Variants in SLC2A7 observed in about 807,000 individuals in gnomAD.
SLC2A7 encodes solute carrier family 2 member 7.
SLC2A7 carries 50 observed loss-of-function variants against 50.5 expected under a neutral mutation model. The ratio of observed to expected loss-of-function variants is 0.99; its 90% confidence interval spans 0.79 to 1.25. The LOEUF (loss-of-function observed/expected upper bound fraction) is 1.25. Ranked by LOEUF, SLC2A7 falls within the 50% of genes most tolerant of loss-of-function variation. The pLI is 0.00. For synonymous variants in SLC2A7, 308 were observed against 300.4 expected (o/e 1.03, Z -0.26); for missense variants, 683 against 679.1 (o/e 1.01, Z -0.06).
At chr1:8,994,940 T>G in the SLC2A7 span, among the ~76,000 whole-genome samples, 1 of 151,540 alleles carries the variant, frequency 6.6e-6, no homozygotes, top group South Asian at 2.1e-4. Context: ...CCAGCTATTT[T>G]TTACATTTTT....
At chr1:8,994,479 C>T in the SLC2A7 span, among the ~76,000 whole-genome samples, 1 of 152,100 alleles carries the variant, frequency 6.6e-6, no homozygotes, top group Admixed American at 6.6e-5. Flanking sequence ...GAGGCTGCAG[C>T]GCTTAGAACT....
chr1:9,012,208 C>A (rs564644309), intron 8 of SLC2A7, among the ~76,000 whole-genome samples: 1 of 152,270 alleles, frequency 6.6e-6, no homozygotes, highest in East Asian at 1.9e-4. Flanking sequence ...GCGAAGTGCA[C>A]CCCAAAAATC....
In SLC2A7 at chr1:9,007,307, C is replaced by T. The variant is rs1640667702; in HGVS notation, c.1192+3G>A. On this transcript the variant is annotated splice_donor_region_variant and intron_variant, in intron 10 of 11. Transcript: ENST00000400906. ...GGGGCGAGGGAGGCGTGCAGGTACTCACTGGGCCCAATGGAATGTCCCGCG... is the reference window on the plus strand; with the variant it reads ...GGGGCGAGGGAGGCGTGCAGGTACTTACTGGGCCCAATGGAATGTCCCGCG... 5.0e-6 allele frequency: 8 copies of T among 1,614,194 alleles called. No homozygotes were observed. Among genetic ancestry groups the T allele is most frequent in the Admixed American group, 1.7e-5 (1 of 60,028 alleles).
downstream of SLC2A7, among the ~76,000 whole-genome samples, chr1:9,001,720 G>A (rs1432120269): frequency 1.3e-5 from 2 of 152,056 alleles, no homozygotes; most frequent in East Asian, 3.9e-4. Context: ...GCCCGGCACT[G>A]CACCTTGTTT....
chr1:9,011,265 T>C (rs1640745229), intron 8 of SLC2A7, among the ~76,000 whole-genome samples: 1 of 152,208 alleles, frequency 6.6e-6, no homozygotes, highest in Non-Finnish European at 1.5e-5. Context: ...ACCCTCCTCA[T>C]GGGATCTGTG....
chr1:8,997,631 C>G, the SLC2A7 span, among the ~76,000 whole-genome samples: 1 of 152,090 alleles, frequency 6.6e-6, no homozygotes, highest in Non-Finnish European at 1.5e-5. Flanking sequence ...AACTCCTGAC[C>G]TGGTGATCTG....
At chr1:8,993,722 G>C in the SLC2A7 span, among the ~76,000 whole-genome samples, 4 of 152,206 alleles carry the variant, frequency 2.6e-5, no homozygotes, top group African/African-American at 9.6e-5. Context: ...CCGCCTCCCA[G>C]GTTCAAGCGA....
chr1:9,001,092 A>C (rs1332707632), downstream of SLC2A7, among the ~76,000 whole-genome samples: 1 of 152,110 alleles, frequency 6.6e-6, no homozygotes. Context: ...CCTATAATTA[A>C]TATGCAAAGT....
chr1:9,010,601 T>C (rs1434879799), intron 8 of SLC2A7, among the ~76,000 whole-genome samples: 3 of 152,030 alleles, frequency 2.0e-5, no homozygotes, highest in African/African-American at 7.2e-5. Flanking sequence ...CAAGTGATCC[T>C]CCTGCCTCGG....
At position 9,008,095 on chromosome 1, in the gene SLC2A7, C is replaced by T. The variant is rs765785127; in HGVS notation, c.1117-710G>A. Among the ~76,000 whole-genome samples the T allele has an allele frequency of 2.0e-5, 3 of 152,086 alleles. No individual in the cohort carries two copies. Among genetic ancestry groups the T allele is most frequent in the Admixed American group, 6.5e-5 (1 of 15,270 alleles). On this transcript the variant is annotated intron_variant, in intron 9 of 11. Transcript: ENST00000400906. This position sits in a 1 kb window ranked among gnomAD's most constrained non-coding sequence, Gnocchi z 5.9. ...CCCCCGGACCCGTGGAGCTGGCAGA[C>T]CACCATCTCTGCTCCCAACTGCCGA...
chr1:9,004,713 G>A, intron 11 of SLC2A7, 39 bp downstream of exon 11: 1 of 1,612,042 alleles, frequency 6.2e-7, no homozygotes, highest in Non-Finnish European at 8.5e-7. Context: ...ACTCCCTGGA[G>A]GCCCGGTGGA....
Position 9,023,046 on chromosome 1 carries a change from A to C in SLC2A7, c.183T>G (p.Phe61Leu). ...VFKSFYNETY[F>L]ERHATFMDGK... ...CGTCCATGAATGTTGCGTGTCGCTCAAAGTAGGTTTCGTTGTAAAATGACT... is the reference window on the plus strand; with the variant it reads ...CGTCCATGAATGTTGCGTGTCGCTCCAAGTAGGTTTCGTTGTAAAATGACT... The change falls in exon 3 of 12, where the codon TTT becomes TTG. Residue 61 changes from phenylalanine to leucine, a missense_variant. Phe to Leu is a conservative substitution (Grantham distance 22, BLOSUM62 0). Coordinates refer to ENST00000400906, the MANE Select transcript of SLC2A7 (RefSeq NM_207420.3). 1 of 1,614,126 alleles carries C rather than the reference A, an allele frequency of 6.2e-7. No homozygotes were observed. The highest frequency in any genetic ancestry group is 1.7e-4 in the Middle Eastern group (1 of 6,060).
rs747610995 is a variant in SLC2A7, at chr1:9,015,223, C to T, written c.609G>A (p.Ala203=). The T allele has an allele frequency of 2.7e-5, 43 of 1,601,920 alleles. No homozygotes were observed. The highest frequency in any genetic ancestry group is 1.1e-4 in the East Asian group (5 of 44,750). The change falls in exon 6 of 12, where the codon GCG becomes GCA. Residue 203 remains alanine, a synonymous_variant. Transcript: ENST00000400906. ...GCAGCAGGGCGGGCACCCCTGTGAG[C>T]GCCAGAAGCACCGGCCAGCCTGCAA... The part of the protein sequence containing the change: ...GNPAGWPVLL[A]LTGVPALLQL...
chr1:9,001,830 A>G (rs887141147), downstream of SLC2A7, among the ~76,000 whole-genome samples: 6 of 152,166 alleles, frequency 3.9e-5, no homozygotes, highest in African/African-American at 1.4e-4. Flanking sequence ...TGTGGGGGGA[A>G]GAATGAGAGA....
At chr1:9,012,470 C>T (rs1045975161) in intron 8 of SLC2A7, among the ~76,000 whole-genome samples, 3 of 152,196 alleles carry the variant, frequency 2.0e-5, no homozygotes, top group Non-Finnish European at 4.4e-5. Flanking sequence ...GCCTGGGGAC[C>T]TCTGTCCTCT....
In SLC2A7 at chr1:9,004,897, A is replaced by G; in HGVS notation, c.1193-18T>C. 2 of 1,611,158 alleles carry G rather than the reference A, an allele frequency of 1.2e-6. No individual in the cohort carries two copies. Among genetic ancestry groups the G allele is most frequent in the Non-Finnish European group, 1.7e-6 (2 of 1,178,552 alleles). ...GACAGGACCTGGAGGGCAGAGCAGG[A>G]TGGGTGGGGCGGAGAAGGACCCAGG... On this transcript the variant is annotated intron_variant, in intron 10 of 11. Transcript: ENST00000400906.
At chr1:8,992,819 T>A in the SLC2A7 span, among the ~76,000 whole-genome samples, 1 of 152,062 alleles carries the variant, frequency 6.6e-6, no homozygotes, top group Non-Finnish European at 1.5e-5. Context: ...AGGTGACCAA[T>A]CCCCTGAGTG....
At chr1:9,016,613 A>C (rs1409969475) in intron 5 of SLC2A7, among the ~76,000 whole-genome samples, 1 of 149,938 alleles carries the variant, frequency 6.7e-6, no homozygotes, top group Non-Finnish European at 1.5e-5. Flanking sequence ...GGAAGGAAGG[A>C]AGGAAGGGAA....
At chr1:9,010,343 C>T (rs1442262206) in intron 8 of SLC2A7, 99 bp from the exon 9 acceptor site, 9 of 884,328 alleles carry the variant, frequency 1.0e-5, no homozygotes, top group South Asian at 9.4e-5. Flanking sequence ...CTTAGGTGCC[C>T]CTTTCTTTCT....
Sources: gnomAD v4.1 joint callset for allele counts (sites outside exome capture counted in the v4.1 genomes callset) on GRCh38, gnomAD v4.1.1 for gene constraint, Gnocchi (gnomAD v3.1) non-coding constraint, MANE v1.5 for transcripts, NCBI Gene and HGNC (gene_info 2026-07-23, HGNC 2026-07-21) for gene names.